Variants in MAS1 observed in about 807,000 individuals in gnomAD.
MAS1 encodes the protein MAS1 proto-oncogene, G protein-coupled receptor.
For missense variants in MAS1, 387 were observed against 409.7 expected (o/e 0.94, Z 0.48); for synonymous variants, 163 against 164.2 (o/e 0.99, Z 0.05).
chr6:159,909,498 G>A lies in MAS1; in HGVS notation c.*1565G>A, dbSNP rs1782941138. On this transcript the variant is annotated 3_prime_UTR_variant, in exon 3 of 3. Transcript: ENST00000674077. ...CTGCCAGCCAAGCTTGGATGCAGGA[G>A]GCTTTTCAGTGGGTGACAACATCTG... 6.6e-6 allele frequency: 1 copy of A among 152,230 alleles called. No homozygotes were observed. The highest frequency in any genetic ancestry group is 1.5e-5 in the Non-Finnish European group (1 of 68,050). The allele number at this position is 152,230 out of a possible 1,614,324, so 9.4% of individuals were successfully genotyped here. A position where few individuals can be genotyped will look rare whatever the true frequency, so the allele number is the denominator to read the frequency against.
intron 2 of MAS1, among the ~76,000 whole-genome samples, chr6:159,901,098 C>T (rs1378385824): frequency 6.6e-6 from 1 of 152,146 alleles, no homozygotes; most frequent in Non-Finnish European, 1.5e-5. Context: ...CATGGCTTTT[C>T]CTCTGTGCCC....
intron 1 of MAS1, among the ~76,000 whole-genome samples, chr6:159,895,271 T>C (rs1782741857): frequency 6.6e-6 from 1 of 152,168 alleles, no homozygotes; most frequent in East Asian, 1.9e-4. Flanking sequence ...TGTTACTAAG[T>C]ATGTAACCTT....
chr6:159,901,579 A>G (rs558065580), intron 2 of MAS1, among the ~76,000 whole-genome samples: 1 of 152,362 alleles, frequency 6.6e-6, no homozygotes, highest in South Asian at 2.1e-4. Context: ...AGCCTGGTCA[A>G]CAGAGTGAGA....
chr6:159,906,753 G>A, intron 2 of MAS1, 167 bp from the exon 3 acceptor site: 2 of 561,586 alleles, frequency 3.6e-6, no homozygotes, highest in Non-Finnish European at 6.2e-6. Context: ...TTCTTATCAG[G>A]TCCTAAAGGC....
Position 159,916,294 on chromosome 6 carries a change from A to G in MAS1, c.*8361A>G, listed in dbSNP as rs538763447. 2 of 152,196 alleles carry G rather than the reference A, an allele frequency of 1.3e-5. No individual in the cohort carries two copies. Among genetic ancestry groups the G allele is most frequent in the Admixed American group, 6.6e-5 (1 of 15,266 alleles). The allele number at this position is 152,196 out of a possible 1,614,324, so 9.4% of individuals were successfully genotyped here. A position where few individuals can be genotyped will look rare whatever the true frequency, so the allele number is the denominator to read the frequency against. ...CTCATATGAGGGGCTTAGAGTTGTC[A>G]GATTCATAGAGACAGAAGGTAGAAT... On this transcript the variant is annotated 3_prime_UTR_variant, in exon 3 of 3. Coordinates refer to ENST00000674077, the MANE Select transcript of MAS1 (RefSeq NM_002377.4).
chr6:159,905,174 T>C (rs1782870244), intron 2 of MAS1, among the ~76,000 whole-genome samples: 1 of 152,216 alleles, frequency 6.6e-6, no homozygotes, highest in African/African-American at 2.4e-5. Context: ...GCCGGCACTT[T>C]GTTTTATTTA....
chr6:159,898,896 A>T (rs1782792483), intron 1 of MAS1, among the ~76,000 whole-genome samples: 1 of 152,146 alleles, frequency 6.6e-6, no homozygotes, highest in Non-Finnish European at 1.5e-5. Flanking sequence ...TGTGATTAAG[A>T]TCCACATAAG....
rs1458013956 is a variant in MAS1 at position 159,908,165 on chromosome 6, C to T, written c.*232C>T. 9.7e-6 allele frequency: 4 copies of T among 411,314 alleles called. No homozygotes were observed. The highest frequency in any genetic ancestry group is 8.1e-5 in the African/African-American group (4 of 49,092). The allele number at this position is 411,314 out of a possible 1,614,324, so 25.5% of individuals were successfully genotyped here. On this transcript the variant is annotated 3_prime_UTR_variant, in exon 3 of 3. Transcript: ENST00000674077. ...TTTCTTTCAGCTCTTTTGGCAGCATCTTACCATGAACCATAAAAATGACTT... is the reference window on the plus strand; with the variant it reads ...TTTCTTTCAGCTCTTTTGGCAGCATTTTACCATGAACCATAAAAATGACTT...
chr6:159,892,275 C>T (rs1362352477), intron 1 of MAS1, among the ~76,000 whole-genome samples: 2 of 152,126 alleles, frequency 1.3e-5, no homozygotes, highest in East Asian at 1.9e-4. Context: ...TCTGTTTGTC[C>T]AGGTGACTGC....
intron 1 of MAS1, among the ~76,000 whole-genome samples, chr6:159,896,616 C>T (rs1166896240): frequency 2.0e-5 from 3 of 151,992 alleles, no homozygotes; most frequent in Non-Finnish European, 4.4e-5. Flanking sequence ...AGAAGAAAGG[C>T]GATAAACATT....
At chr6:159,903,225 C>T (rs1215433637) in intron 2 of MAS1, among the ~76,000 whole-genome samples, 3 of 152,128 alleles carry the variant, frequency 2.0e-5, no homozygotes, top group African/African-American at 7.2e-5. Context: ...TTTCTCCTAA[C>T]CCCACTGGGC....
chr6:159,898,641 TCC>T (rs376479916), intron 1 of MAS1, among the ~76,000 whole-genome samples: 1,221 of 7,100 alleles, frequency 0.17, 12 homozygotes, highest in Middle Eastern at 0.2. Flanking sequence ...TTCTTCCTCC[TCC>T]CTCTTCCTCC....
upstream of MAS1, among the ~76,000 whole-genome samples, chr6:159,890,395 A>G (rs1222580558): frequency 6.6e-6 from 1 of 152,192 alleles, no homozygotes; most frequent in Non-Finnish European, 1.5e-5. Context: ...GCTGGGACGC[A>G]GTCTGGGCAT....
At chr6:159,901,724 T>C (rs1782824282) in intron 2 of MAS1, among the ~76,000 whole-genome samples, 1 of 151,974 alleles carries the variant, frequency 6.6e-6, no homozygotes, top group Non-Finnish European at 1.5e-5. Context: ...TGTGGTAGCA[T>C]GCACCTGTAG....
At chr6:159,898,315 T>C (rs1382388839) in intron 1 of MAS1, among the ~76,000 whole-genome samples, 1 of 151,946 alleles carries the variant, frequency 6.6e-6, no homozygotes, top group African/African-American at 2.4e-5. Context: ...AGTAAAGTCT[T>C]AAAAATAGGA....
intron 1 of MAS1, among the ~76,000 whole-genome samples, chr6:159,896,228 G>C (rs553840618): frequency 2.0e-5 from 3 of 152,342 alleles, no homozygotes; most frequent in East Asian, 3.9e-4. Context: ...CCAGGAGATA[G>C]AGGCTGCAGT....
chr6:159,913,731 G>C lies in MAS1; in HGVS notation c.*5798G>C, dbSNP rs575292708. ...AAAATCAGCTATTGGGGTCTCATTT[G>C]CTTAAAATTATTGGCATGTTGTTGA... On this transcript the variant is annotated 3_prime_UTR_variant, in exon 3 of 3. Transcript: ENST00000674077. The C allele has an allele frequency of 3.0e-4, 45 of 152,262 alleles. No individual in the cohort carries two copies. Among genetic ancestry groups the C allele is most frequent in the Middle Eastern group, 3.4e-3 (1 of 294 alleles). The allele number at this position is 152,262 out of a possible 1,614,324, so 9.4% of individuals were successfully genotyped here. A position where few individuals can be genotyped will look rare whatever the true frequency, so the allele number is the denominator to read the frequency against.
At chr6:159,897,254 A>G (rs1206839173) in intron 1 of MAS1, among the ~76,000 whole-genome samples, 1 of 151,902 alleles carries the variant, frequency 6.6e-6, no homozygotes, top group Non-Finnish European at 1.5e-5. Context: ...AGGTTGGAGG[A>G]TGAAGTCACA....
In MAS1 at chr6:159,911,195, G is replaced by C. The variant is rs553931599; in HGVS notation, c.*3262G>C. On this transcript the variant is annotated 3_prime_UTR_variant, in exon 3 of 3. Coordinates refer to ENST00000674077, the MANE Select transcript of MAS1 (RefSeq NM_002377.4). ...ATTAATGAACCTCAAATAGACATTTGCTGACCAGAACCCTTTGCTGGGCTC... is the reference window on the plus strand; with the variant it reads ...ATTAATGAACCTCAAATAGACATTTCCTGACCAGAACCCTTTGCTGGGCTC... 1 of 152,068 alleles carries C rather than the reference G, an allele frequency of 6.6e-6. No homozygotes were observed. The highest frequency in any genetic ancestry group is 1.5e-5 in the Non-Finnish European group (1 of 68,074). 9.4% of individuals were successfully genotyped at this position (152,068 alleles called of 1,614,324 possible).
Sources: gnomAD v4.1 joint callset for allele counts (sites outside exome capture counted in the v4.1 genomes callset) on GRCh38, gnomAD v4.1.1 for gene constraint, MANE v1.5 for transcripts, NCBI Gene and HGNC (gene_info 2026-07-23, HGNC 2026-07-21) for gene names.